Variants in RTN1 observed in about 807,000 individuals in gnomAD.
RTN1 encodes reticulon 1.
RTN1 carries 25 observed loss-of-function variants against 65.5 expected under a neutral mutation model. The observed-to-expected ratio is 0.38, with a 90% CI of 0.28 to 0.53. The LOEUF is 0.53. Among genes scored for constraint, RTN1 ranks in the 20% least tolerant of loss-of-function variants. RTN1 has a pLI of 0.79. For synonymous variants in RTN1, 471 were observed against 447.6 expected, an observed-to-expected ratio of 1.05 and a Z score of -0.66; for missense variants, 983 against 1,025.4, an observed-to-expected ratio of 0.96 and a Z score of 0.57.
Position 59,816,047 on chromosome 14 carries a change from C to A in RTN1, c.241+54343G>T, listed in dbSNP as rs1401393129. Among the ~76,000 whole-genome samples, 1 of 152,168 alleles carries A rather than the reference C, an allele frequency of 6.6e-6. No homozygotes were observed. The highest frequency in any genetic ancestry group is 1.5e-5 in the Non-Finnish European group (1 of 68,036). ...CTTCATGCAGCCTTCCTGGATTAAT[C>A]CCTACACCACATAGTTTATTCAACA... On this transcript the variant is annotated intron_variant, in intron 1 of 8. Coordinates refer to ENST00000267484, the MANE Select transcript of RTN1 (RefSeq NM_021136.3). The surrounding 1 kb of genome is among the most constrained non-coding windows in gnomAD (Gnocchi z 4.3).
chr14:59,820,089 G>T (rs943857492), intron 1 of RTN1, among the ~76,000 whole-genome samples: 1 of 152,228 alleles, frequency 6.6e-6, no homozygotes, highest in Non-Finnish European at 1.5e-5. Flanking sequence ...CTAGCAAGTT[G>T]TCACCTCTCA....
intron 1 of RTN1, among the ~76,000 whole-genome samples, chr14:59,765,781 TA>T (rs200714612): frequency 3.3e-5 from 5 of 151,866 alleles, no homozygotes; most frequent in African/African-American, 1.2e-4. Context: ...TTTTTTTTTT[TA>T]AACTCCTAAA....
rs575686464 is a variant in RTN1, at chr14:59,728,711, T to A, written c.1016-1043A>T. Among the ~76,000 whole-genome samples, 4 of 152,334 alleles carry A rather than the reference T, an allele frequency of 2.6e-5. No individual in the cohort carries two copies. In the East Asian group the frequency reaches 7.7e-4, roughly 29 times the overall value. On this transcript the variant is annotated intron_variant, in intron 2 of 8. Transcript: ENST00000267484. ...TGAGGGATCTGTGGCTTTAGGACTG[T>A]GGGAGAACCCCAAATGGATAAAACA...
rs1460296569 is a variant in RTN1, at chr14:59,790,139, A to G, written c.242-43658T>C. ...AAGAAAACCTGAAATAATGACTTAG[A>G]AGAAAGGCTTCAAATAACCAGTCCA... On this transcript the variant is annotated intron_variant, in intron 1 of 8. Coordinates refer to ENST00000267484, the MANE Select transcript of RTN1 (RefSeq NM_021136.3). The surrounding 1 kb of genome is among the most constrained non-coding windows in gnomAD (Gnocchi z 4.1). Among the ~76,000 whole-genome samples, 4 of 152,170 alleles carry G rather than the reference A, an allele frequency of 2.6e-5. No homozygotes were observed. Among genetic ancestry groups the G allele is most frequent in the Non-Finnish European group, 5.9e-5 (4 of 68,002 alleles).
intron 1 of RTN1, among the ~76,000 whole-genome samples, chr14:59,753,778 G>C (rs1442962352): frequency 6.6e-6 from 1 of 152,130 alleles, no homozygotes; most frequent in Non-Finnish European, 1.5e-5. Flanking sequence ...ATTTGCCCCA[G>C]GTAGGAACTC....
At chr14:59,869,432 T>G (rs1887851695) in intron 1 of RTN1, among the ~76,000 whole-genome samples, 1 of 152,132 alleles carries the variant, frequency 6.6e-6, no homozygotes, top group African/African-American at 2.4e-5. Flanking sequence ...GAAACAGCGT[T>G]AACCAGGCCG....
At chr14:59,664,743 T>C (rs1203026301) in intron 3 of RTN1, among the ~76,000 whole-genome samples, 2 of 152,222 alleles carry the variant, frequency 1.3e-5, no homozygotes, top group Non-Finnish European at 2.9e-5. Context: ...GTACCATGTA[T>C]TGTTTCATCA....
At chr14:59,801,936 T>C (rs1472456622) in intron 1 of RTN1, among the ~76,000 whole-genome samples, 2 of 152,144 alleles carry the variant, frequency 1.3e-5, no homozygotes, top group African/African-American at 4.8e-5. Flanking sequence ...TCAAACAAAA[T>C]TCATCACACT....
intron 3 of RTN1, among the ~76,000 whole-genome samples, chr14:59,716,988 A>AACAAAC (rs202116653): frequency 7.1e-6 from 1 of 140,850 alleles, no homozygotes; most frequent in African/African-American, 2.6e-5. Flanking sequence ...CAAACAAACA[A>AACAAAC]AAAAAAAAAA....
Position 59,794,107 on chromosome 14 carries a change from G to T in RTN1, c.242-47626C>A, listed in dbSNP as rs1253906929. Among the ~76,000 whole-genome samples the T allele has an allele frequency of 1.3e-5, 2 of 152,112 alleles. No homozygotes were observed. The highest frequency in any genetic ancestry group is 2.9e-5 in the Non-Finnish European group (2 of 68,028). ...TGACTGGCTTAAGTTGATCAGAATG[G>T]TACCATCTCCTTTACCACAATTACT... On this transcript the variant is annotated intron_variant, in intron 1 of 8. Transcript: ENST00000267484. This position sits in a 1 kb window ranked among gnomAD's most constrained non-coding sequence, Gnocchi z 5.1.
intron 1 of RTN1, among the ~76,000 whole-genome samples, chr14:59,804,884 G>A (rs73302061): frequency 0.18 from 27,766 of 152,190 alleles, 3,526 homozygotes; most frequent in African/African-American, 0.36. Context: ...AATGTTGAAT[G>A]AAAGACATTA....
intron 1 of RTN1, among the ~76,000 whole-genome samples, chr14:59,830,662 G>A (rs931185939): frequency 2.6e-5 from 4 of 152,152 alleles, no homozygotes; most frequent in Admixed American, 6.5e-5. Flanking sequence ...GATCATTTGC[G>A]CTTGAATAAC....
intron 3 of RTN1, among the ~76,000 whole-genome samples, chr14:59,660,046 A>T (rs929834068): frequency 1.6e-4 from 24 of 152,172 alleles, no homozygotes; most frequent in Admixed American, 1.4e-3. Context: ...ATGTAGGAAT[A>T]TTTACCAAGC....
At position 59,746,328 on chromosome 14, in the gene RTN1, C is replaced by A. The variant is rs1376755396; in HGVS notation, c.395G>T (p.Gly132Val). The A allele has an allele frequency of 9.3e-6, 15 of 1,614,032 alleles. No individual in the cohort carries two copies. The highest frequency in any genetic ancestry group is 2.7e-5 in the African/African-American group (2 of 74,906). ...YFTGILQKEN[G>V]HVTISESPEE... ...AGGGCTCTCTGAAATGGTGACGTGG[C>A]CATTTTCCTTCTGAAGAATTCCAGT... Residue 132 changes from glycine (G) to valine (V), a missense_variant, in exon 2 of 9, where the codon GGC (glycine) becomes GTC (valine). Transcript: ENST00000267484.
chr14:59,822,234 C>T (rs1886956551), intron 1 of RTN1, among the ~76,000 whole-genome samples: 1 of 152,100 alleles, frequency 6.6e-6, no homozygotes, highest in Non-Finnish European at 1.5e-5. Context: ...CTGGTTCAGT[C>T]TTGGGAGGTT....
At chr14:59,676,893 T>C (rs1053855843) in intron 3 of RTN1, among the ~76,000 whole-genome samples, 1 of 152,186 alleles carries the variant, frequency 6.6e-6, no homozygotes, top group Non-Finnish European at 1.5e-5. Flanking sequence ...AGATATATGC[T>C]TGTTCTCTAA....
intron 1 of RTN1, among the ~76,000 whole-genome samples, chr14:59,775,429 A>G (rs941713554): frequency 6.6e-6 from 1 of 152,092 alleles, no homozygotes; most frequent in East Asian, 1.9e-4. Flanking sequence ...GACAAATCCT[A>G]TCCCAGTATT....
intron 3 of RTN1, among the ~76,000 whole-genome samples, chr14:59,613,090 G>A (rs1254794139): frequency 6.6e-6 from 1 of 152,102 alleles, no homozygotes; most frequent in East Asian, 1.9e-4. Flanking sequence ...CTACCTTGCG[G>A]AAATTCTAAA....
chr14:59,596,492 C>T lies in RTN1; in HGVS notation c.*253G>A, dbSNP rs1881401386. On this transcript the variant is annotated 3_prime_UTR_variant, in exon 9 of 9. Coordinates refer to ENST00000267484, the MANE Select transcript of RTN1 (RefSeq NM_021136.3). ...TAACTTGGGCTCTCACCATCATGCA[C>T]TTTTTTTAGCAACACAAAATTAAAA... The T allele has an allele frequency of 6.6e-6, 2 of 300,818 alleles. No individual in the cohort carries two copies. The highest frequency in any genetic ancestry group is 6.2e-6 in the Non-Finnish European group (1 of 162,320). 18.6% of individuals were successfully genotyped at this position (300,818 alleles called of 1,614,324 possible).
Sources: allele counts gnomAD v4.1 joint callset (sites outside exome capture counted in the v4.1 genomes callset), GRCh38; gene constraint gnomAD v4.1.1; non-coding constraint Gnocchi (gnomAD v3.1); transcripts MANE v1.5; gene names NCBI Gene and HGNC (gene_info 2026-07-23, HGNC 2026-07-21).